The following TBC1D20 variants were observed in gnomAD, a reference collection of about 807,000 sequenced individuals.
The protein encoded by TBC1D20 is TBC1 domain family member 20.
TBC1D20 carries 12 observed loss-of-function variants against 41.6 expected under a neutral mutation model. The ratio of observed to expected loss-of-function variants is 0.29; its 90% confidence interval spans 0.18 to 0.47. The LOEUF (loss-of-function observed/expected upper bound fraction) is 0.47, where lower values mean the gene tolerates loss of function less well. Among genes scored for constraint, TBC1D20 ranks in the 20% least tolerant of loss-of-function variants. The pLI, the probability that TBC1D20 is intolerant of heterozygous loss-of-function variation, is 1.00. For synonymous variants in TBC1D20, 205 were observed against 204.8 expected (o/e 1.00, Z -0.01); for missense variants, 421 against 517.4 (o/e 0.81, Z 1.81).
chr20:441,715 TG>T, intron 4 of TBC1D20, 26 bp from the exon 5 acceptor site: 1 of 1,610,998 alleles, frequency 6.2e-7, no homozygotes, highest in South Asian at 1.1e-5. Context: ...TCAATAAGCC[TG>T]GTTACCAAAC....
At position 462,500 on chromosome 20, in the gene TBC1D20, T is replaced by C; in HGVS notation, c.-95A>G. 3 of 692,764 alleles carry C rather than the reference T, an allele frequency of 4.3e-6. No homozygotes were observed. Among genetic ancestry groups the C allele is most frequent in the Non-Finnish European group, 5.7e-6 (3 of 528,012 alleles). The allele number at this position is 692,764 out of a possible 1,614,324, so 42.9% of individuals were successfully genotyped here. On this transcript the variant is annotated 5_prime_UTR_variant, in exon 1 of 8. An upstream start codon of the reference 5' UTR is lost. Coordinates refer to ENST00000354200, the MANE Select transcript of TBC1D20 (RefSeq NM_144628.4). ...CGCGGGACGTAGCACCCGCTCGGCA[T>C]CGGCAGGCTCCCCTCCGTCGGCCAG...
rs531020849 is a variant in TBC1D20, at chr20:438,340, A to T, written c.*246T>A. 1 of 522,080 alleles carries T rather than the reference A, an allele frequency of 1.9e-6. No homozygotes were observed. Among genetic ancestry groups the T allele is most frequent in the Admixed American group, 3.5e-5 (1 of 28,702 alleles). 32.3% of individuals were successfully genotyped at this position (522,080 alleles called of 1,614,324 possible). A position where few individuals can be genotyped will look rare whatever the true frequency, so the allele number is the denominator to read the frequency against. On this transcript the variant is annotated 3_prime_UTR_variant, in exon 8 of 8. Coordinates refer to ENST00000354200, the MANE Select transcript of TBC1D20 (RefSeq NM_144628.4). ...CTCCAACACCAGGGAGGTGGCAGAG[A>T]GCCCATCCAAAAGCCCACTGGGAGA...
chr20:459,564 T>C (rs1378428711), intron 1 of TBC1D20, among the ~76,000 whole-genome samples: 1 of 152,252 alleles, frequency 6.6e-6, no homozygotes, highest in Non-Finnish European at 1.5e-5. Flanking sequence ...AATAAATCCC[T>C]GATGCCTGAA....
intron 1 of TBC1D20, among the ~76,000 whole-genome samples, chr20:456,628 G>A (rs887827821): frequency 1.8e-4 from 27 of 152,206 alleles, no homozygotes; most frequent in Admixed American, 2.6e-4. Context: ...GCAGTGTTGC[G>A]ATCTCAGCTC....
intron 1 of TBC1D20, 90 bp downstream of exon 1, chr20:462,246 C>G (rs1247969745): frequency 1.1e-6 from 1 of 939,040 alleles, no homozygotes; most frequent in Non-Finnish European, 1.3e-6. Flanking sequence ...GTCCCCAGCC[C>G]GCGCCCCTCC....
At chr20:453,290 T>C (rs1306374556) in intron 1 of TBC1D20, among the ~76,000 whole-genome samples, 26 of 141,882 alleles carry the variant, frequency 1.8e-4, no homozygotes, top group Admixed American at 1.8e-3. Context: ...CTGACCAACA[T>C]GGAGAAACCC....
chr20:450,637 T>C (rs967063331), intron 1 of TBC1D20: 5 of 152,214 alleles, frequency 3.3e-5, no homozygotes, highest in African/African-American at 1.2e-4. Flanking sequence ...TCATAGACAT[T>C]TTGCCATGTT....
intron 1 of TBC1D20, among the ~76,000 whole-genome samples, chr20:459,073 A>C (rs2017588713): frequency 6.6e-6 from 1 of 152,228 alleles, no homozygotes; most frequent in South Asian, 2.1e-4. Context: ...CAGAAAATTC[A>C]AGTGAGCTAA....
chr20:438,302 A>G lies in TBC1D20; in HGVS notation c.*284T>C. 2.3e-6 allele frequency: 1 copy of G among 434,744 alleles called. No individual in the cohort carries two copies. Among genetic ancestry groups the G allele is most frequent in the Non-Finnish European group, 4.1e-6 (1 of 242,058 alleles). 26.9% of individuals were successfully genotyped at this position (434,744 alleles called of 1,614,324 possible). A position where few individuals can be genotyped will look rare whatever the true frequency, so the allele number is the denominator to read the frequency against. On this transcript the variant is annotated 3_prime_UTR_variant, in exon 8 of 8. Transcript: ENST00000354200. ...GGTTGCAAAAGCAGCTGCAAGCTTC[A>G]GAAACCCACTTCCTCCAACACCAGG...
Position 448,069 on chromosome 20 carries a change from T to TA in TBC1D20, c.75dup (p.Asn26Ter). On this transcript the variant is annotated frameshift_variant, in exon 2 of 8. Transcript: ENST00000354200. LOFTEE classifies it high-confidence loss of function. ...GCCACTTTCTTTTTCCTTTTGGCGT[T>TA]AAAGTCTGAAGATAAGGATAGGGAA... The TA allele has an allele frequency of 3.1e-6, 5 of 1,611,766 alleles. No individual in the cohort carries two copies. Among genetic ancestry groups the TA allele is most frequent in the Non-Finnish European group, 4.2e-6 (5 of 1,177,930 alleles).
intron 1 of TBC1D20, among the ~76,000 whole-genome samples, chr20:449,305 A>AAAG (rs2017400498): frequency 6.9e-6 from 1 of 144,608 alleles, no homozygotes; most frequent in African/African-American, 2.5e-5. Context: ...AAAAAAAAAA[A>AAAG]GGTAAGTGAG....
At chr20:453,496 C>T (rs2017486806) in intron 1 of TBC1D20, among the ~76,000 whole-genome samples, 1 of 144,346 alleles carries the variant, frequency 6.9e-6, no homozygotes, top group Admixed American at 6.9e-5. Flanking sequence ...ACAACAACAA[C>T]AACGACAGCA....
At chr20:452,182 C>T (rs1418364776) in intron 1 of TBC1D20, among the ~76,000 whole-genome samples, 1 of 152,164 alleles carries the variant, frequency 6.6e-6, no homozygotes, top group Non-Finnish European at 1.5e-5. Flanking sequence ...TGGCGCACGC[C>T]TGTAATCCCA....
chr20:454,800 T>C (rs950661734), intron 1 of TBC1D20, among the ~76,000 whole-genome samples: 1 of 152,092 alleles, frequency 6.6e-6, no homozygotes, highest in Admixed American at 6.6e-5. Flanking sequence ...GCCTCCCAGG[T>C]AGCCAGGATT....
At position 445,800 on chromosome 20, in the gene TBC1D20, A is replaced by T. The variant is rs554742515; in HGVS notation, c.257-670T>A. Among the ~76,000 whole-genome samples, 49 of 152,362 alleles carry T rather than the reference A, an allele frequency of 3.2e-4. No homozygotes were observed. The South Asian group carries it at 9.7e-3, about 30-fold the overall frequency. On this transcript the variant is annotated intron_variant, in intron 2 of 7. Coordinates refer to ENST00000354200, the MANE Select transcript of TBC1D20 (RefSeq NM_144628.4). ...TAAGCGTACATTTCTCTCACAACCCAAATCCAAAGCTAGTAAGGCTGGGCA... is the reference window on the plus strand; with the variant it reads ...TAAGCGTACATTTCTCTCACAACCCTAATCCAAAGCTAGTAAGGCTGGGCA...
chr20:447,229 G>A (rs1438784980), intron 2 of TBC1D20, among the ~76,000 whole-genome samples: 1 of 150,952 alleles, frequency 6.6e-6, no homozygotes, highest in Non-Finnish European at 1.5e-5. Flanking sequence ...CAAAGTGCTG[G>A]GATTACAGGC....
In TBC1D20 at chr20:441,698, A is replaced by G; in HGVS notation, c.525-9T>C. 1 of 1,613,248 alleles carries G rather than the reference A, an allele frequency of 6.2e-7. No individual in the cohort carries two copies. The highest frequency in any genetic ancestry group is 8.5e-7 in the Non-Finnish European group (1 of 1,179,220). On this transcript the variant is annotated splice_polypyrimidine_tract_variant and intron_variant, in intron 4 of 7. Coordinates refer to ENST00000354200, the MANE Select transcript of TBC1D20 (RefSeq NM_144628.4). ...TTGGATCCATAAAATCCCTGGAGGG[A>G]GACAATTCAATAAGCCTGGTTACCA... is the stretch of plus-strand genomic sequence containing the variant.
intron 2 of TBC1D20, 141 bp from the exon 3 acceptor site, chr20:445,271 T>C: frequency 1.5e-6 from 1 of 652,914 alleles, no homozygotes; most frequent in Non-Finnish European, 2.8e-6. Flanking sequence ...GATACAACAT[T>C]TGGCAGGGAA....
At position 448,020 on chromosome 20, in the gene TBC1D20, C is replaced by T. The variant is rs370061451; in HGVS notation, c.125G>A (p.Ser42Asn). Residue 42 changes from serine (S) to asparagine (N), a missense_variant, in exon 2 of 8, where the codon AGT becomes AAT. Physicochemically the swap from Ser to Asn is conservative, Grantham distance 46 (BLOSUM62 1). This residue lies in a region of TBC1D20 where 150 missense variants were observed against 151.3 expected (regional missense o/e 0.99). Coordinates refer to ENST00000354200, the MANE Select transcript of TBC1D20 (RefSeq NM_144628.4). ...AAGGGCAGCCACATCAGTGGGATCA[C>T]TGTTCAGAGCCTGGTGTATCTCTGC... The part of the protein sequence containing the change: ...KVAEIHQALN[S>N]DPTDVAALRR... The T allele has an allele frequency of 7.3e-5, 118 of 1,614,034 alleles. No homozygotes were observed. Among genetic ancestry groups the T allele is most frequent in the Admixed American group, 1.2e-4 (7 of 59,998 alleles).
Sources: gnomAD v4.1 joint callset for allele counts (sites outside exome capture counted in the v4.1 genomes callset) on GRCh38, gnomAD v4.1.1 for gene constraint, gnomAD v4.1.1 regional missense constraint, MANE v1.5 for transcripts, NCBI Gene and HGNC (gene_info 2026-07-23, HGNC 2026-07-21) for gene names.